The following JPT1 variants were observed in gnomAD, a reference collection of about 807,000 sequenced individuals.
JPT1 encodes the protein Jupiter microtubule associated homolog 1, also known as androgen-regulated protein 2.
A neutral mutation model predicts 17.0 loss-of-function variants in JPT1; 5 were observed. That is an observed-to-expected ratio of 0.29 (90% confidence interval 0.15 to 0.62). The LOEUF (loss-of-function observed/expected upper bound fraction) is 0.62. Ranked by LOEUF, JPT1 falls within the 20% of genes least tolerant of loss-of-function variation. JPT1 has a pLI of 0.85. For missense variants in JPT1, 158 were observed against 188.1 expected, an observed-to-expected ratio of 0.84 and a Z score of 0.94; for synonymous variants, 71 against 73.6, an observed-to-expected ratio of 0.96 and a Z score of 0.18.
chr17:75,135,929 G>A lies in JPT1; in HGVS notation c.*173C>T. ...CTCATGCCATGGCCCACAGACCCAA[G>A]AGTCAAGGACAGAGAGAAACCTGTT... On this transcript the variant is annotated 3_prime_UTR_variant, in exon 5 of 5. Coordinates refer to ENST00000409753, the MANE Select transcript of JPT1 (RefSeq NM_016185.4). 2 of 1,420,804 alleles carry A rather than the reference G, an allele frequency of 1.4e-6. No individual in the cohort carries two copies. Among genetic ancestry groups the A allele is most frequent in the Non-Finnish European group, 1.9e-6 (2 of 1,045,114 alleles). The allele number at this position is 1,420,804 out of a possible 1,614,324, so 88.0% of individuals were successfully genotyped here.
intron 1 of JPT1, among the ~76,000 whole-genome samples, chr17:75,152,294 T>A (rs182277521): frequency 6.0e-4 from 91 of 152,310 alleles, no homozygotes; most frequent in African/African-American, 2.2e-3. Context: ...TAGCAATTTT[T>A]AAAAAATTGC....
At chr17:75,147,118 T>G (rs1202398771) in intron 3 of JPT1, among the ~76,000 whole-genome samples, 2 of 152,248 alleles carry the variant, frequency 1.3e-5, no homozygotes, top group Non-Finnish European at 2.9e-5. Flanking sequence ...CACTGTGCTC[T>G]GAGGGCTTTA....
chr17:75,152,702 T>C (rs2074573181), intron 1 of JPT1, among the ~76,000 whole-genome samples: 1 of 152,174 alleles, frequency 6.6e-6, no homozygotes, highest in Non-Finnish European at 1.5e-5. Flanking sequence ...GATTACACAT[T>C]ATCATTCCGA....
chr17:75,146,494 A>G (rs2074437345), intron 4 of JPT1, 172 bp downstream of exon 4: 2 of 535,714 alleles, frequency 3.7e-6, no homozygotes, highest in Non-Finnish European at 3.4e-6. Flanking sequence ...TTTCCCTTCT[A>G]TTATGTTTCT....
chr17:75,152,591 AT>A (rs2074571586), intron 1 of JPT1, among the ~76,000 whole-genome samples: 1 of 152,228 alleles, frequency 6.6e-6, no homozygotes, highest in African/African-American at 2.4e-5. Context: ...CACATTTCAA[AT>A]GTACACATGA....
intron 1 of JPT1, among the ~76,000 whole-genome samples, chr17:75,152,451 A>T (rs1353834059): frequency 1.3e-5 from 2 of 152,232 alleles, no homozygotes; most frequent in African/African-American, 4.8e-5. Context: ...GTGAGAATAT[A>T]GAAAAAGGGA....
intron 4 of JPT1, among the ~76,000 whole-genome samples, chr17:75,139,004 C>CA (rs1466719674): frequency 2.0e-5 from 3 of 152,086 alleles, no homozygotes; most frequent in African/African-American, 7.2e-5. Context: ...AACTAAAACT[C>CA]AGAGAGGGTC....
chr17:75,138,026 G>T (rs1054603754), intron 4 of JPT1, among the ~76,000 whole-genome samples: 1 of 149,326 alleles, frequency 6.7e-6, no homozygotes, highest in African/African-American at 2.5e-5. Context: ...GTGCAATTTC[G>T]GCTCACTGCA....
intron 2 of JPT1, chr17:75,147,982 G>A (rs890456575): frequency 1.9e-5 from 5 of 270,028 alleles, no homozygotes; most frequent in East Asian, 1.5e-4. Flanking sequence ...CTCCAGCCTG[G>A]GCAACAGAAT....
At chr17:75,147,924 G>A (rs1005957842) in intron 2 of JPT1, 2 of 386,428 alleles carry the variant, frequency 5.2e-6, no homozygotes, top group Admixed American at 3.6e-5. Flanking sequence ...ACTTGAACTC[G>A]GGAGGTGGAG....
intron 1 of JPT1, among the ~76,000 whole-genome samples, chr17:75,151,918 G>C (rs1381059104): frequency 6.6e-6 from 1 of 150,986 alleles, no homozygotes. Flanking sequence ...GCGGTGAGCA[G>C]AGATTGTGCC....
chr17:75,142,850 C>G, intron 4 of JPT1: 1 of 451,760 alleles, frequency 2.2e-6, no homozygotes, highest in African/African-American at 2.0e-5. Flanking sequence ...AGTAACTGGT[C>G]CTGTGATATT....
chr17:75,142,585 G>GA (rs562679140), intron 4 of JPT1, among the ~76,000 whole-genome samples: 1 of 73,514 alleles, frequency 1.4e-5, no homozygotes, highest in Non-Finnish European at 2.8e-5. Context: ...GAGAGGGAGG[G>GA]AGAGGGAGGG....
At chr17:75,148,058 T>A (rs1308156160) in intron 2 of JPT1, 1 of 223,954 alleles carries the variant, frequency 4.5e-6, no homozygotes, top group African/African-American at 2.3e-5. Context: ...TAGTCTCACA[T>A]TATGAAATGA....
intron 4 of JPT1, 79 bp from the exon 5 acceptor site, chr17:75,136,329 CTT>C (rs147209511): frequency 1.1e-5 from 14 of 1,256,918 alleles, no homozygotes; most frequent in Admixed American, 5.5e-5. Flanking sequence ...TTCTCTTTTT[CTT>C]TTTTTTTTGG....
intron 4 of JPT1, among the ~76,000 whole-genome samples, chr17:75,137,048 C>T (rs192625816): frequency 8.9e-4 from 136 of 152,106 alleles, no homozygotes; most frequent in Middle Eastern, 3.4e-3. Flanking sequence ...GGTAGTAATT[C>T]GCCTTGCTTA....
intron 4 of JPT1, among the ~76,000 whole-genome samples, chr17:75,139,274 TTC>T (rs1241970510): frequency 1.3e-5 from 2 of 152,188 alleles, no homozygotes; most frequent in Non-Finnish European, 2.9e-5. Context: ...GAAGTCTTCA[TTC>T]TCTCTCTGAA....
chr17:75,146,540 C>T (rs868296511), intron 4 of JPT1, 126 bp downstream of exon 4: 21 of 653,944 alleles, frequency 3.2e-5, no homozygotes, highest in African/African-American at 2.2e-4. Flanking sequence ...TAGAGTATGG[C>T]GGCACTTGGG....
chr17:75,141,376 G>A (rs2074304351), intron 4 of JPT1: 1 of 152,206 alleles, frequency 6.6e-6, no homozygotes, highest in African/African-American at 2.4e-5. Flanking sequence ...AAAAAGGCCG[G>A]GCACAATAGC....
Sources: allele counts gnomAD v4.1 joint callset (sites outside exome capture counted in the v4.1 genomes callset), GRCh38; gene constraint gnomAD v4.1.1; transcripts MANE v1.5; gene names NCBI Gene and HGNC (gene_info 2026-07-23, HGNC 2026-07-21).